Variants in GNB4 observed in about 807,000 individuals in gnomAD.
GNB4 encodes the protein G protein subunit beta 4, also known as guanine nucleotide-binding protein subunit beta-4.
In GNB4, 28 loss-of-function variants were observed where a neutral mutation model predicts 45.2. The ratio of observed to expected loss-of-function variants is 0.62; its 90% confidence interval spans 0.46 to 0.85. The LOEUF (loss-of-function observed/expected upper bound fraction) is 0.85, where lower values mean the gene tolerates loss of function less well. GNB4 is among the 40% of genes least tolerant of loss of function. The pLI is 0.00. For synonymous variants in GNB4, 132 were observed against 143.7 expected, an observed-to-expected ratio of 0.92 and a Z score of 0.58; for missense variants, 321 against 425.4, an observed-to-expected ratio of 0.75 and a Z score of 2.16.
At chr3:179,527,782 GTGTATGTA>G in the GNB4 span, among the ~76,000 whole-genome samples, 3 of 112,938 alleles carry the variant, frequency 2.7e-5, no homozygotes, top group African/African-American at 6.9e-5. Flanking sequence ...AAGTGCGTGT[GTGTATGTA>G]TGTGTGTGTG....
chr3:179,509,178 C>T, the GNB4 span, among the ~76,000 whole-genome samples: 268 of 150,902 alleles, frequency 1.8e-3, 1 homozygote, highest in African/African-American at 5.7e-3. Context: ...TACACACACA[C>T]ACACACACAC....
chr3:179,502,671 C>G, the GNB4 span, among the ~76,000 whole-genome samples: 25 of 151,990 alleles, frequency 1.6e-4, no homozygotes, highest in African/African-American at 6.0e-4. Flanking sequence ...AGCCTGTAGT[C>G]TATCTTTCTG....
At chr3:179,451,986 G>T (rs1165294929), upstream of GNB4, among the ~76,000 whole-genome samples, 1 of 152,144 alleles carries the variant, frequency 6.6e-6, no homozygotes, top group Non-Finnish European at 1.5e-5. Flanking sequence ...ACCGTGTACC[G>T]TCTCGGGCCT....
At chr3:179,466,968 C>A in the GNB4 span, among the ~76,000 whole-genome samples, 1 of 152,154 alleles carries the variant, frequency 6.6e-6, no homozygotes, top group African/African-American at 2.4e-5. Flanking sequence ...GGATTTTTAG[C>A]TCCCCCAGGA....
At chr3:179,435,013 G>A (rs931998642) in intron 1 of GNB4, among the ~76,000 whole-genome samples, 1 of 152,058 alleles carries the variant, frequency 6.6e-6, no homozygotes, top group Non-Finnish European at 1.5e-5. Context: ...TCCAACTCTT[G>A]TACCTGAAGT....
the GNB4 span, among the ~76,000 whole-genome samples, chr3:179,527,151 G>A: frequency 6.6e-6 from 1 of 152,182 alleles, no homozygotes; most frequent in African/African-American, 2.4e-5. Context: ...GGCAGGAAGG[G>A]GTGGAGGGGA....
intron 1 of GNB4, among the ~76,000 whole-genome samples, chr3:179,439,011 C>T (rs1316414697): frequency 6.6e-6 from 1 of 152,170 alleles, no homozygotes; most frequent in African/African-American, 2.4e-5. Context: ...ATCTGTGGTT[C>T]TCAGAGTGTG....
intron 1 of GNB4, among the ~76,000 whole-genome samples, chr3:179,429,342 G>A (rs578014588): frequency 1.1e-4 from 16 of 152,222 alleles, no homozygotes; most frequent in African/African-American, 3.6e-4. Context: ...GGGGAACACC[G>A]GGAATCAACA....
At chr3:179,409,507 C>A (rs1714580605) in intron 8 of GNB4, among the ~76,000 whole-genome samples, 1 of 140,040 alleles carries the variant, frequency 7.1e-6, no homozygotes, top group South Asian at 2.4e-4. Flanking sequence ...GGAGAAACTC[C>A]ATCTCAAAAA....
intron 1 of GNB4, among the ~76,000 whole-genome samples, chr3:179,430,555 C>T (rs925046250): frequency 6.6e-6 from 1 of 151,998 alleles, no homozygotes; most frequent in Non-Finnish European, 1.5e-5. Flanking sequence ...TGAGCTCACC[C>T]AATTCTTCCA....
intron 8 of GNB4, among the ~76,000 whole-genome samples, chr3:179,406,647 C>T (rs1183021479): frequency 6.6e-6 from 1 of 152,108 alleles, no homozygotes; most frequent in African/African-American, 2.4e-5. Context: ...GAGTCTTGCT[C>T]TGTCACCCAG....
the GNB4 span, among the ~76,000 whole-genome samples, chr3:179,494,546 A>AAG: frequency 2.0e-5 from 3 of 151,034 alleles, no homozygotes; most frequent in Admixed American, 1.3e-4. Context: ...GAACAAAAGA[A>AAG]AGAGAGAGAG....
chr3:179,459,892 T>A, the GNB4 span, among the ~76,000 whole-genome samples: 16 of 152,262 alleles, frequency 1.1e-4, no homozygotes, highest in South Asian at 2.1e-4. Flanking sequence ...AATTTAACCA[T>A]CCCATCCTCA....
chr3:179,448,167 T>C (rs1227648590), intron 1 of GNB4, among the ~76,000 whole-genome samples: 1 of 152,224 alleles, frequency 6.6e-6, no homozygotes, highest in Non-Finnish European at 1.5e-5. Flanking sequence ...AGATTTTCTT[T>C]TTGAAGCAAA....
intron 1 of GNB4, among the ~76,000 whole-genome samples, chr3:179,450,730 G>T (rs1453950962): frequency 6.6e-6 from 1 of 152,198 alleles, no homozygotes; most frequent in Non-Finnish European, 1.5e-5. Flanking sequence ...TCTGTGTTCT[G>T]AAGCAGAAAA....
the GNB4 span, among the ~76,000 whole-genome samples, chr3:179,514,534 C>T: frequency 1.3e-5 from 2 of 152,002 alleles, no homozygotes; most frequent in African/African-American, 4.8e-5. Context: ...ATGTTGAATC[C>T]CTAATCTCCA....
At chr3:179,489,046 A>ATATATATATATATATATATATATATATT in the GNB4 span, among the ~76,000 whole-genome samples, 6 of 38,740 alleles carry the variant, frequency 1.5e-4, no homozygotes, top group Non-Finnish European at 2.2e-4. Context: ...ATATATATAT[A>ATATATATATATATATATATATATATATT]ATATATATGT....
At chr3:179,474,957 A>G in the GNB4 span, among the ~76,000 whole-genome samples, 2 of 151,334 alleles carry the variant, frequency 1.3e-5, no homozygotes, top group African/African-American at 2.4e-5. Context: ...TCGATTCCTT[A>G]TCATTCTGGA....
chr3:179,416,424 TAAAGG>T (rs1714800692), intron 5 of GNB4, 64 bp downstream of exon 5: 1 of 884,550 alleles, frequency 1.1e-6, no homozygotes, highest in East Asian at 2.7e-5. Context: ...GGTAAAAGAA[TAAAGG>T]AAAGAACTGG....
Sources: gnomAD v4.1 joint callset for allele counts (sites outside exome capture counted in the v4.1 genomes callset) on GRCh38, gnomAD v4.1.1 for gene constraint, MANE v1.5 for transcripts, NCBI Gene and HGNC (gene_info 2026-07-23, HGNC 2026-07-21) for gene names.